SIM1: variants seen among roughly 807,000 people sequenced by gnomAD.
SIM1 encodes the protein SIM bHLH transcription factor 1.
SIM1 carries 18 observed loss-of-function variants against 78.2 expected under a neutral mutation model. That is an observed-to-expected ratio of 0.23 (90% CI 0.16 to 0.34). The LOEUF is 0.34. Ranked by LOEUF, SIM1 falls within the 10% of genes least tolerant of loss-of-function variation. The pLI is 1.00. For synonymous variants in SIM1, 417 were observed against 385.2 expected, an observed-to-expected ratio of 1.08 and a Z score of -0.97; for missense variants, 939 against 975.1, an observed-to-expected ratio of 0.96 and a Z score of 0.49.
intron 10 of SIM1, among the ~76,000 whole-genome samples, chr6:100,403,361 A>G (rs1770976107): frequency 6.6e-6 from 1 of 152,222 alleles, no homozygotes; most frequent in Non-Finnish European, 1.5e-5. Context: ...TTCCTTCTAG[A>G]ACAGACTGAT....
At chr6:100,416,374 A>T (rs1771400963) in intron 10 of SIM1, among the ~76,000 whole-genome samples, 1 of 152,214 alleles carries the variant, frequency 6.6e-6, no homozygotes. Context: ...AGAAATCTAG[A>T]TATGCCTAAT....
rs117133658 is a variant in SIM1 at position 100,418,958 on chromosome 6, G to A, written c.1167+1832C>T. Among the ~76,000 whole-genome samples the A allele has an allele frequency of 8.2e-3, 1,243 of 152,158 alleles. 14 individuals carry two copies. Among genetic ancestry groups the A allele is most frequent in the Non-Finnish European group, 0.01 (690 of 68,008 alleles). ...GAGGCGAGCAGATTGCCTAAGGTCG[G>A]GAGTTCAAGACCAGCCTGGCCAGCA... On this transcript the variant is annotated intron_variant, in intron 10 of 11. Transcript: ENST00000369208.
At chr6:100,447,231 C>A (rs551503243) in intron 9 of SIM1, 37 bp downstream of exon 9, 6 of 1,603,298 alleles carry the variant, frequency 3.7e-6, no homozygotes, top group Non-Finnish European at 5.1e-6. Context: ...AGCAGGGTCG[C>A]CTGGGGTGGG....
chr6:100,433,740 C>CACACACA (rs1771966983), intron 9 of SIM1, among the ~76,000 whole-genome samples: 1 of 124,292 alleles, frequency 8.0e-6, no homozygotes, highest in Non-Finnish European at 1.7e-5. Flanking sequence ...ACCCCCCCAC[C>CACACACA]CACACACACA....
Position 100,390,807 on chromosome 6 carries a change from A to C in SIM1, c.1855T>G (p.Cys619Gly). The C allele has an allele frequency of 3.1e-6, 5 of 1,614,208 alleles. No individual in the cohort carries two copies. The highest frequency in any genetic ancestry group is 4.2e-6 in the Non-Finnish European group (5 of 1,180,032). The change falls in exon 12 of 12, where the codon TGC (cysteine) becomes GGC (glycine). Residue 619 changes from cysteine (C) to glycine (G), a missense_variant. Around this residue, in one of 5 missense-constraint regions of SIM1, gnomAD observed 556 missense variants for 521.9 expected, o/e 1.07. Transcript: ENST00000369208. ...GTGTTGGCAAGAGCAGAGCCATGGC[A>C]GACTTCACCTGTTGGTGGGGGCTGT... ...YQQPPPTGEV[C>G]HGSALANTSP...
chr6:100,424,928 A>T (rs1481819272), intron 9 of SIM1, among the ~76,000 whole-genome samples: 2 of 152,110 alleles, frequency 1.3e-5, no homozygotes, highest in Non-Finnish European at 2.9e-5. Flanking sequence ...CATTATAAAA[A>T]CCTTTTGCTG....
rs761458820 is a variant in SIM1, at chr6:100,390,747, T to G, written c.1915A>C (p.Lys639Gln). ...TCATTTTCATGGGGGCTCAACATTT[T>G]TCCCTCTCTCTGCTGGATATGGTCA... ...PCDHIQQREG[K>Q]MLSPHENDYD... The change falls in exon 12 of 12, where the codon AAA becomes CAA. Residue 639 changes from lysine (K) to glutamine (Q), a missense_variant. Physicochemically the swap from Lys to Gln is moderately conservative, Grantham distance 53. Coordinates refer to ENST00000369208, the MANE Select transcript of SIM1 (RefSeq NM_005068.3). 6.2e-7 allele frequency: 1 copy of G among 1,614,154 alleles called. No homozygotes were observed. The highest frequency in any genetic ancestry group is 1.1e-5 in the South Asian group (1 of 91,082).
Position 100,393,685 on chromosome 6 carries a change from C to G in SIM1, c.1372G>C (p.Glu458Gln). ...GFALDHSRLVEERHFHTQACE... is the reference protein window; with the variant it reads ...GFALDHSRLVQERHFHTQACE... ...GCCTGGGTATGGAAATGCCTCTCTT[C>G]CACCAGCCTCGAGTGGTCAAGCGCA... is the stretch of plus-strand genomic sequence containing the variant. The change falls in exon 11 of 12, where the codon GAA becomes CAA. Residue 458 changes from glutamate to glutamine, a missense_variant. By Grantham distance (29) the Glu-to-Gln change is conservative. This residue lies in a region of SIM1 where 556 missense variants were observed against 521.9 expected (regional missense o/e 1.07). Coordinates refer to ENST00000369208, the MANE Select transcript of SIM1 (RefSeq NM_005068.3). 11 of 1,614,034 alleles carry G rather than the reference C, an allele frequency of 6.8e-6. No individual in the cohort carries two copies. Among genetic ancestry groups the G allele is most frequent in the Non-Finnish European group, 9.3e-6 (11 of 1,179,896 alleles).
chr6:100,404,455 G>A (rs1226044542), intron 10 of SIM1, among the ~76,000 whole-genome samples: 1 of 152,006 alleles, frequency 6.6e-6, no homozygotes, highest in African/African-American at 2.4e-5. Context: ...CTTTCCTCTT[G>A]ATTTGTGTCT....
chr6:100,448,343 G>A (rs1772416246), intron 7 of SIM1, 91 bp from the exon 8 acceptor site: 3 of 1,355,952 alleles, frequency 2.2e-6, no homozygotes, highest in Admixed American at 2.0e-5. Context: ...ACACCTAGCT[G>A]TCCGCCCTCA....
intron 10 of SIM1, among the ~76,000 whole-genome samples, chr6:100,396,995 T>G (rs1770784140): frequency 6.6e-6 from 1 of 152,202 alleles, no homozygotes; most frequent in Admixed American, 6.5e-5. Context: ...CTTTTTAGTT[T>G]TGAAATGTTT....
intron 2 of SIM1, among the ~76,000 whole-genome samples, chr6:100,454,384 C>A (rs189763583): frequency 6.6e-6 from 1 of 152,118 alleles, no homozygotes; most frequent in African/African-American, 2.4e-5. Flanking sequence ...GCTTTAATCG[C>A]CTTCGGAAAA....
chr6:100,427,073 A>G (rs1771752076), intron 9 of SIM1: 1 of 152,228 alleles, frequency 6.6e-6, no homozygotes, highest in African/African-American at 2.4e-5. Flanking sequence ...TGGATTCTAG[A>G]GTCACTGTTA....
chr6:100,448,745 G>A, intron 6 of SIM1, 67 bp from the exon 7 acceptor site: 1 of 1,436,454 alleles, frequency 7.0e-7, no homozygotes, highest in Non-Finnish European at 9.5e-7. Context: ...GGTGGAGAAG[G>A]GGTTGAAACA....
intron 9 of SIM1, among the ~76,000 whole-genome samples, chr6:100,435,333 C>T (rs1032993244): frequency 7.9e-5 from 12 of 152,224 alleles, no homozygotes; most frequent in African/African-American, 2.9e-4. Flanking sequence ...ATATGGTTCA[C>T]CCTAAAACAG....
intron 7 of SIM1, 99 bp downstream of exon 7, chr6:100,448,380 A>C (rs1055460867): frequency 1.6e-5 from 22 of 1,408,814 alleles, no homozygotes; most frequent in Non-Finnish European, 1.7e-5. Flanking sequence ...CAGTCGCCTC[A>C]TGTGCAAAAT....
chr6:100,411,452 T>C (rs183951989), intron 10 of SIM1, among the ~76,000 whole-genome samples: 1 of 152,338 alleles, frequency 6.6e-6, no homozygotes, highest in East Asian at 1.9e-4. Context: ...GTTTGATTTT[T>C]ATTACACAAT....
intron 9 of SIM1, among the ~76,000 whole-genome samples, chr6:100,433,083 C>T (rs145808033): frequency 1.2e-3 from 176 of 152,256 alleles, no homozygotes; most frequent in Middle Eastern, 0.01. Flanking sequence ...TTCAAGTCAT[C>T]ACCTTCCCTC....
At chr6:100,439,622 GA>G (rs2114529096) in intron 9 of SIM1, among the ~76,000 whole-genome samples, 1 of 152,194 alleles carries the variant, frequency 6.6e-6, no homozygotes, top group East Asian at 1.9e-4. Flanking sequence ...GAACAATGAG[GA>G]ATATACAAAA....
Sources: allele counts gnomAD v4.1 joint callset (sites outside exome capture counted in the v4.1 genomes callset), GRCh38; gene constraint gnomAD v4.1.1; regional missense constraint gnomAD v4.1.1; transcripts MANE v1.5; gene names NCBI Gene and HGNC (gene_info 2026-07-23, HGNC 2026-07-21).